The following LRRFIP2 variants were observed in gnomAD, a reference collection of about 807,000 sequenced individuals.
The protein encoded by LRRFIP2 is leucine-rich repeat flightless-interacting protein 2.
A neutral mutation model predicts 125.9 loss-of-function variants in LRRFIP2; 109 were observed. The observed-to-expected ratio is 0.87, with a 90% CI of 0.74 to 1.01. The LOEUF (loss-of-function observed/expected upper bound fraction) is 1.01. Among genes scored for constraint, LRRFIP2 ranks in the 50% least tolerant of loss-of-function variants. The probability of loss-of-function intolerance (pLI) is 0.00; values close to 1 mark genes in which losing one functional copy is unlikely to be tolerated. For missense variants in LRRFIP2, 850 were observed against 862.3 expected (o/e 0.99, Z 0.18); for synonymous variants, 291 against 293.1 (o/e 0.99, Z 0.07).
intron 1 of LRRFIP2, among the ~76,000 whole-genome samples, chr3:37,162,580 C>T (rs576106157): frequency 6.6e-6 from 1 of 152,286 alleles, no homozygotes; most frequent in African/African-American, 2.4e-5. Context: ...ACCTCTTTTA[C>T]ACTCTTTGTC....
chr3:37,099,476 C>G (rs1187256918), intron 15 of LRRFIP2, among the ~76,000 whole-genome samples: 1 of 152,112 alleles, frequency 6.6e-6, no homozygotes, highest in African/African-American at 2.4e-5. Flanking sequence ...TTCTTCAATG[C>G]AGTCATTGGA....
At chr3:37,123,738 G>A (rs535785090) in intron 4 of LRRFIP2, among the ~76,000 whole-genome samples, 5 of 151,964 alleles carry the variant, frequency 3.3e-5, no homozygotes, top group Admixed American at 6.6e-5. Flanking sequence ...GGGTAAATAC[G>A]GTTTAATGTC....
chr3:37,112,774 T>C, intron 8 of LRRFIP2, 141 bp downstream of exon 8: 1 of 519,658 alleles, frequency 1.9e-6, no homozygotes, highest in Non-Finnish European at 3.4e-6. Flanking sequence ...GAAAACAAAA[T>C]TATTTTTAAA....
chr3:37,106,816 C>T (rs914238731), intron 13 of LRRFIP2, among the ~76,000 whole-genome samples: 8 of 151,832 alleles, frequency 5.3e-5, no homozygotes, highest in Non-Finnish European at 1.0e-4. Context: ...TGTAAGTACA[C>T]AAAAATATAC....
intron 15 of LRRFIP2, among the ~76,000 whole-genome samples, chr3:37,102,407 G>A (rs1016502682): frequency 7.2e-5 from 11 of 151,926 alleles, no homozygotes; most frequent in African/African-American, 2.7e-4. Context: ...TTCCACAGAG[G>A]GGGAAAAAGT....
At position 37,065,922 on chromosome 3, in the gene LRRFIP2, G is replaced by A. The variant is rs774294066; in HGVS notation, c.1587C>T (p.Ile529=). 6 of 1,614,128 alleles carry A rather than the reference G, an allele frequency of 3.7e-6. No individual in the cohort carries two copies. The highest frequency in any genetic ancestry group is 1.1e-5 in the South Asian group (1 of 91,082). Residue 529 remains isoleucine (I), a synonymous_variant, in exon 23 of 28, where the codon ATC becomes ATT. Transcript: ENST00000336686. ...CATCACCATTGGGAGTGCCATCGGG[G>A]ATTATAACTAAGCCATGTTTCTGCA... is the stretch of plus-strand genomic sequence containing the variant. ...KTGEKHGLVI[I]PDGTPNGDVS... is the part of the protein sequence containing the mutation.
chr3:37,161,910 C>T (rs1212685612), intron 1 of LRRFIP2, among the ~76,000 whole-genome samples: 2 of 151,384 alleles, frequency 1.3e-5, no homozygotes, highest in Non-Finnish European at 1.5e-5. Context: ...AGGCTGGGTG[C>T]GGTGGTTCAT....
chr3:37,131,151 G>A (rs1054418476), intron 2 of LRRFIP2, among the ~76,000 whole-genome samples: 3 of 152,156 alleles, frequency 2.0e-5, no homozygotes, highest in African/African-American at 4.8e-5. Flanking sequence ...CCCATGGATT[G>A]GAGGGGTGGG....
chr3:37,124,317 G>A (rs757287418), intron 4 of LRRFIP2, among the ~76,000 whole-genome samples: 15 of 152,136 alleles, frequency 9.9e-5, no homozygotes, highest in Non-Finnish European at 1.8e-4. Flanking sequence ...ATGTGTTTAC[G>A]TAAAACTGTA....
intron 1 of LRRFIP2, among the ~76,000 whole-genome samples, chr3:37,156,428 C>T (rs945127883): frequency 6.6e-6 from 1 of 151,144 alleles, no homozygotes; most frequent in African/African-American, 2.4e-5. Flanking sequence ...AATCCCAGCA[C>T]TTTGGGAGGC....
intron 2 of LRRFIP2, among the ~76,000 whole-genome samples, chr3:37,132,621 T>A (rs2095456176): frequency 6.6e-6 from 1 of 152,254 alleles, no homozygotes; most frequent in South Asian, 2.1e-4. Context: ...AACTACTTTA[T>A]CTGGTTCTTT....
At chr3:37,135,606 A>G (rs1339072289) in intron 2 of LRRFIP2, among the ~76,000 whole-genome samples, 1 of 152,218 alleles carries the variant, frequency 6.6e-6, no homozygotes, top group East Asian at 1.9e-4. Context: ...CAATAAAAAT[A>G]TAAATAATTT....
intron 22 of LRRFIP2, 101 bp from the exon 23 acceptor site, chr3:37,066,043 T>G: frequency 6.6e-7 from 1 of 1,505,088 alleles, no homozygotes; most frequent in Non-Finnish European, 9.2e-7. Context: ...AGGTAAAACC[T>G]GGTTAGAATC....
At chr3:37,175,379 T>C (rs553170167), upstream of LRRFIP2, among the ~76,000 whole-genome samples, 189 of 152,350 alleles carry the variant, frequency 1.2e-3, no homozygotes, top group Admixed American at 4.2e-3. Flanking sequence ...AATATTTATC[T>C]AGCCATGTCT....
intron 2 of LRRFIP2, among the ~76,000 whole-genome samples, chr3:37,137,135 ATTTTTG>A (rs771572567): frequency 3.1e-4 from 47 of 151,834 alleles, no homozygotes; most frequent in East Asian, 1.5e-3. Context: ...CATCCAAACA[ATTTTTG>A]TTTTTGTTTT....
intron 1 of LRRFIP2, among the ~76,000 whole-genome samples, chr3:37,156,618 G>A (rs9682511): frequency 0.034 from 4,388 of 127,774 alleles, 213 homozygotes; most frequent in African/African-American, 0.12. Flanking sequence ...AGCTTGCAGT[G>A]AACCTAGATT....
Position 37,097,584 on chromosome 3 carries a change from T to A in LRRFIP2, c.874-924A>T, listed in dbSNP as rs567898699. 2.6e-4 allele frequency among the ~76,000 whole-genome samples: 39 copies of A among 152,300 alleles called. No individual in the cohort carries two copies. In the South Asian group the frequency reaches 8.1e-3, roughly 32 times the overall value. ...TGAATAAATCATACCCCATCTATAC[T>A]AATAGACTTCCCTCATTTATTTTAA... On this transcript the variant is annotated intron_variant, in intron 15 of 27. Coordinates refer to ENST00000336686, the MANE Select transcript of LRRFIP2 (RefSeq NM_006309.4).
In LRRFIP2 at chr3:37,109,550, C is replaced by A. The variant is rs759515531; in HGVS notation, c.586G>T (p.Gly196Cys). The A allele has an allele frequency of 6.2e-7, 1 of 1,613,936 alleles. No individual in the cohort carries two copies. The highest frequency in any genetic ancestry group is 1.1e-5 in the South Asian group (1 of 91,074). Residue 196 changes from glycine (G) to cysteine (C), a missense_variant, in exon 11 of 28, where the codon GGT becomes TGT. Coordinates refer to ENST00000336686, the MANE Select transcript of LRRFIP2 (RefSeq NM_006309.4). ...SDRASPTANSGLLRSASLASL... is the reference protein window; with the variant it reads ...SDRASPTANSCLLRSASLASL... ...ACCAGACTGGCACTTCTCAGCAGAC[C>A]AGAATTTGCAGTAGGAGAGGCCTAA...
chr3:37,061,813 C>T (rs2088829793), intron 24 of LRRFIP2, among the ~76,000 whole-genome samples: 1 of 152,152 alleles, frequency 6.6e-6, no homozygotes, highest in Non-Finnish European at 1.5e-5. Flanking sequence ...CTACTCACTC[C>T]CACAGTCATA....
Sources: gnomAD v4.1 joint callset for allele counts (sites outside exome capture counted in the v4.1 genomes callset) on GRCh38, gnomAD v4.1.1 for gene constraint, MANE v1.5 for transcripts, NCBI Gene and HGNC (gene_info 2026-07-23, HGNC 2026-07-21) for gene names.